Variants in CXADR observed in about 807,000 individuals in gnomAD.
CXADR encodes CXADR cell adhesion molecule, also known as coxsackievirus and adenovirus receptor.
A neutral mutation model predicts 40.3 loss-of-function variants in CXADR; 20 were observed. That is an observed-to-expected ratio of 0.50 (90% CI 0.35 to 0.72). CXADR has a LOEUF of 0.72. Among genes scored for constraint, CXADR ranks in the 30% least tolerant of loss-of-function variants. The pLI is 0.01. For missense variants in CXADR, 332 were observed against 449.1 expected, an observed-to-expected ratio of 0.74 and a Z score of 2.36; for synonymous variants, 150 against 161.3, an observed-to-expected ratio of 0.93 and a Z score of 0.53.
At chr21:17,595,205 GT>G (rs2061489319), downstream of CXADR, among the ~76,000 whole-genome samples, 1 of 151,972 alleles carries the variant, frequency 6.6e-6, no homozygotes, top group South Asian at 2.1e-4. Flanking sequence ...TATTCAAAGT[GT>G]TCTTATCAGC....
intron 1 of CXADR, among the ~76,000 whole-genome samples, chr21:17,522,133 G>C (rs11911177): frequency 0.23 from 34,241 of 151,570 alleles, 6,429 homozygotes; most frequent in African/African-American, 0.52. Context: ...AGGCACCTAG[G>C]CTTATTTTTC....
intron 6 of CXADR, 90 bp from the exon 7 acceptor site, chr21:17,565,338 A>G: frequency 2.2e-6 from 3 of 1,390,196 alleles, no homozygotes; most frequent in Non-Finnish European, 3.0e-6. Flanking sequence ...GTACCTAAAT[A>G]CAGGCTCTTA....
At chr21:17,519,613 T>G (rs1477403919) in intron 1 of CXADR, among the ~76,000 whole-genome samples, 1 of 152,226 alleles carries the variant, frequency 6.6e-6, no homozygotes, top group Non-Finnish European at 1.5e-5. Flanking sequence ...GACCTGCGCT[T>G]TACTGTCTTC....
At chr21:17,526,971 C>G (rs1349320156) in intron 1 of CXADR, among the ~76,000 whole-genome samples, 1 of 152,068 alleles carries the variant, frequency 6.6e-6, no homozygotes, top group African/African-American at 2.4e-5. Context: ...ACATATTATT[C>G]TATGAAGGTG....
intron 1 of CXADR, among the ~76,000 whole-genome samples, chr21:17,546,468 A>G (rs2060898085): frequency 6.6e-6 from 1 of 152,236 alleles, no homozygotes; most frequent in Admixed American, 6.5e-5. Context: ...ACTTACAATC[A>G]TGGCAGAAGG....
chr21:17,568,574 T>A lies in CXADR; in HGVS notation c.*2882T>A, dbSNP rs1404532716. 1.1e-5 allele frequency: 9 copies of A among 798,242 alleles called. No homozygotes were observed. The highest frequency in any genetic ancestry group is 1.4e-4 in the East Asian group (1 of 7,180). The allele number at this position is 798,242 out of a possible 1,614,324, so 49.4% of individuals were successfully genotyped here. A position where few individuals can be genotyped will look rare whatever the true frequency, so the allele number is the denominator to read the frequency against. On this transcript the variant is annotated 3_prime_UTR_variant, in exon 7 of 7. Coordinates refer to ENST00000284878, the MANE Select transcript of CXADR (RefSeq NM_001338.5). ...GTTCTGTACTTTTTTTTTTTTTTTT[T>A]AAGAGATAGGGTTTCACTATTGCTC...
intron 1 of CXADR, among the ~76,000 whole-genome samples, chr21:17,519,997 G>C (rs770928847): frequency 6.6e-6 from 1 of 151,368 alleles, no homozygotes; most frequent in East Asian, 1.9e-4. Flanking sequence ...ACACACGCAC[G>C]CACATGCACA....
intron 1 of CXADR, among the ~76,000 whole-genome samples, chr21:17,520,109 G>A (rs933196370): frequency 6.6e-5 from 10 of 151,770 alleles, no homozygotes; most frequent in African/African-American, 2.4e-4. Context: ...ACTTCCATTC[G>A]AATACCTAAC....
the CXADR span, among the ~76,000 whole-genome samples, chr21:17,605,739 C>T: frequency 6.6e-6 from 1 of 152,068 alleles, no homozygotes; most frequent in African/African-American, 2.4e-5. Flanking sequence ...AAAAAATATG[C>T]ATTCTGTTAA....
At chr21:17,608,202 CA>C in the CXADR span, among the ~76,000 whole-genome samples, 2 of 151,194 alleles carry the variant, frequency 1.3e-5, no homozygotes, top group African/African-American at 2.4e-5. Context: ...CCCATCTATA[CA>C]AAAAAAAATT....
At chr21:17,571,860 A>G (rs894880857), downstream of CXADR, among the ~76,000 whole-genome samples, 9 of 152,286 alleles carry the variant, frequency 5.9e-5, 1 homozygote, top group South Asian at 2.1e-4. Context: ...TTTGCATTCT[A>G]ATTGTTTCGC....
chr21:17,625,961 G>C, the CXADR span, among the ~76,000 whole-genome samples: 1 of 152,146 alleles, frequency 6.6e-6, no homozygotes, highest in Non-Finnish European at 1.5e-5. Context: ...GCACTGAGCG[G>C]GAGTCTGAAG....
chr21:17,631,962 C>T, the CXADR span, among the ~76,000 whole-genome samples: 2 of 152,106 alleles, frequency 1.3e-5, no homozygotes, highest in South Asian at 4.2e-4. Flanking sequence ...CAGGTGTGCA[C>T]CACCAACCTG....
At chr21:17,527,471 A>G (rs2060610879) in intron 1 of CXADR, among the ~76,000 whole-genome samples, 1 of 152,192 alleles carries the variant, frequency 6.6e-6, no homozygotes, top group Non-Finnish European at 1.5e-5. Context: ...GAGGGCAAAT[A>G]AATAATATGT....
At chr21:17,513,228 C>T (rs211964) in intron 1 of CXADR, 56 bp downstream of exon 1, 1 of 1,333,624 alleles carries the variant, frequency 7.5e-7, no homozygotes, top group Non-Finnish European at 9.6e-7. Flanking sequence ...CGCTCGCTGC[C>T]CGCGGCCACC....
At chr21:17,585,347 A>G (rs1259856118) in intron 7 of CXADR, among the ~76,000 whole-genome samples, 1 of 152,200 alleles carries the variant, frequency 6.6e-6, no homozygotes, top group East Asian at 1.9e-4. Flanking sequence ...TAGGAAAAAA[A>G]CAATGGCGTA....
At chr21:17,561,573 T>C in intron 6 of CXADR, 97 bp downstream of exon 6, 1 of 1,067,398 alleles carries the variant, frequency 9.4e-7, no homozygotes, top group Non-Finnish European at 1.3e-6. Context: ...GCATCTTTCT[T>C]AGGAGAATGG....
At chr21:17,600,377 A>T in the CXADR span, among the ~76,000 whole-genome samples, 1 of 152,206 alleles carries the variant, frequency 6.6e-6, no homozygotes, top group Non-Finnish European at 1.5e-5. Context: ...GATAAAAATA[A>T]GTAACTCTAA....
chr21:17,596,410 A>T (rs962309348), downstream of CXADR, among the ~76,000 whole-genome samples: 1 of 152,056 alleles, frequency 6.6e-6, no homozygotes, highest in Non-Finnish European at 1.5e-5. Flanking sequence ...TAAAAGCGTC[A>T]GAGATTTATC....
Sources: gnomAD v4.1 joint callset for allele counts (sites outside exome capture counted in the v4.1 genomes callset) on GRCh38, gnomAD v4.1.1 for gene constraint, MANE v1.5 for transcripts, NCBI Gene and HGNC (gene_info 2026-07-23, HGNC 2026-07-21) for gene names.